Variants in LMNB1 observed in about 807,000 individuals in gnomAD.
LMNB1 encodes the protein lamin-B1.
Under a neutral mutation model 67.1 loss-of-function variants are expected in LMNB1, and 23 were observed. That is an observed-to-expected ratio of 0.34 (90% CI 0.25 to 0.49). LMNB1 has a LOEUF of 0.49. Among genes scored for constraint, LMNB1 ranks in the 20% least tolerant of loss-of-function variants. LMNB1 has a pLI of 0.99. For synonymous variants in LMNB1, 281 were observed against 282.9 expected (o/e 0.99, Z 0.07); for missense variants, 634 against 746.5 (o/e 0.85, Z 1.76).
At chr5:126,834,981 T>C (rs1752218470) in intron 10 of LMNB1, among the ~76,000 whole-genome samples, 1 of 152,180 alleles carries the variant, frequency 6.6e-6, no homozygotes, top group Admixed American at 6.5e-5. Context: ...ACTGACATAG[T>C]CTGGAATGCT....
intron 1 of LMNB1, among the ~76,000 whole-genome samples, chr5:126,784,864 G>T (rs986942927): frequency 4.2e-5 from 6 of 142,624 alleles, no homozygotes; most frequent in African/African-American, 1.6e-4. Flanking sequence ...GGGTTTCACC[G>T]TGTTAGCCGG....
chr5:126,815,616 G>A (rs1484333795), intron 5 of LMNB1, among the ~76,000 whole-genome samples: 5 of 152,056 alleles, frequency 3.3e-5, no homozygotes, highest in African/African-American at 1.2e-4. Context: ...TAGGGTTAGT[G>A]GCAAGATCTG....
intron 1 of LMNB1, among the ~76,000 whole-genome samples, chr5:126,793,115 A>C (rs1036455300): frequency 6.6e-6 from 1 of 152,192 alleles, no homozygotes; most frequent in African/African-American, 2.4e-5. Context: ...TAGCTGCCTC[A>C]TAACACCCAG....
intron 10 of LMNB1, among the ~76,000 whole-genome samples, chr5:126,834,728 T>A (rs1752211324): frequency 6.6e-6 from 1 of 152,026 alleles, no homozygotes; most frequent in South Asian, 2.1e-4. Flanking sequence ...TACAAAAAAT[T>A]AGCCGGGCGT....
At chr5:126,793,879 A>AAAAG (rs200364620) in intron 1 of LMNB1, among the ~76,000 whole-genome samples, 2,944 of 151,836 alleles carry the variant, frequency 0.019, 43 homozygotes, top group South Asian at 0.064. Context: ...TCCATCTCCA[A>AAAAG]AAAGAAAGAA....
At chr5:126,827,643 T>C (rs1416596564) in intron 9 of LMNB1, among the ~76,000 whole-genome samples, 2 of 152,156 alleles carry the variant, frequency 1.3e-5, no homozygotes, top group Non-Finnish European at 2.9e-5. Flanking sequence ...CAAGACTGTG[T>C]CTCAAATAAA....
In LMNB1 at chr5:126,793,870, C is replaced by T. The variant is rs75795980; in HGVS notation, c.360-10906C>T. On this transcript the variant is annotated intron_variant, in intron 1 of 10. Coordinates refer to ENST00000261366, the MANE Select transcript of LMNB1 (RefSeq NM_005573.4). ...TGGCCTGGGCAACAAGAGTGAAACTCCATCTCCAAAAAGAAAGAAAGAAAG... is the reference window on the plus strand; with the variant it reads ...TGGCCTGGGCAACAAGAGTGAAACTTCATCTCCAAAAAGAAAGAAAGAAAG... Among the ~76,000 whole-genome samples the T allele has an allele frequency of 8.1e-3, 1,219 of 149,974 alleles. 5 individuals are homozygous for T. Among genetic ancestry groups the T allele is most frequent in the Non-Finnish European group, 0.012 (818 of 66,908 alleles).
intron 1 of LMNB1, among the ~76,000 whole-genome samples, chr5:126,792,567 A>AT (rs752371260): frequency 0.043 from 4,257 of 99,162 alleles, 551 homozygotes; most frequent in African/African-American, 0.14. Context: ...AGCACTAGGG[A>AT]TTTTTTTTTT....
intron 8 of LMNB1, among the ~76,000 whole-genome samples, chr5:126,824,656 C>T (rs1440615227): frequency 6.6e-6 from 1 of 152,200 alleles, no homozygotes; most frequent in Non-Finnish European, 1.5e-5. Context: ...GAAACACTAA[C>T]ATTCCACATA....
chr5:126,789,033 C>T (rs919303304), intron 1 of LMNB1, among the ~76,000 whole-genome samples: 2 of 151,724 alleles, frequency 1.3e-5, no homozygotes, highest in African/African-American at 2.4e-5. Context: ...GTAGCTGGGA[C>T]TACAGGCACA....
chr5:126,795,949 T>TTTTTTTTTTTTTAG, intron 1 of LMNB1, among the ~76,000 whole-genome samples: 1 of 145,206 alleles, frequency 6.9e-6, no homozygotes, highest in Non-Finnish European at 1.5e-5. Context: ...TTTTTTTTTT[T>TTTTTTTTTTTTTAG]GAGACGGAGT....
At chr5:126,781,810 G>T (rs976243690) in intron 1 of LMNB1, among the ~76,000 whole-genome samples, 2 of 152,164 alleles carry the variant, frequency 1.3e-5, no homozygotes, top group Admixed American at 1.3e-4. Flanking sequence ...TTTAGATTAA[G>T]AAAACAGCTT....
Position 126,777,308 on chromosome 5 carries a change from C to A in LMNB1, c.-201C>A. ...GCGATCGATCGATTGATTCGTAGTT[C>A]CCCCCCGCGCGCCTTTGCCCTTTGT... On this transcript the variant is annotated 5_prime_UTR_variant, in exon 1 of 11. Transcript: ENST00000261366. The A allele has an allele frequency of 2.5e-6, 1 of 405,908 alleles. No homozygotes were observed. The highest frequency in any genetic ancestry group is 4.2e-6 in the Non-Finnish European group (1 of 239,740). The allele number at this position is 405,908 out of a possible 1,614,324, so 25.1% of individuals were successfully genotyped here. A position where few individuals can be genotyped will look rare whatever the true frequency, so the allele number is the denominator to read the frequency against.
intron 8 of LMNB1, among the ~76,000 whole-genome samples, chr5:126,825,636 C>T (rs1751976739): frequency 6.6e-6 from 1 of 152,206 alleles, no homozygotes; most frequent in Admixed American, 6.5e-5. Context: ...TTATCACTTG[C>T]TCTTTTCAAT....
chr5:126,827,761 C>G (rs1356316911), intron 9 of LMNB1, among the ~76,000 whole-genome samples: 1 of 152,164 alleles, frequency 6.6e-6, no homozygotes, highest in African/African-American at 2.4e-5. Flanking sequence ...GTAGAAGATG[C>G]AGCCAGTGAA....
intron 1 of LMNB1, among the ~76,000 whole-genome samples, chr5:126,800,982 A>ATATAATTTTTTTT: frequency 4.8e-4 from 9 of 18,638 alleles, no homozygotes; most frequent in African/African-American, 1.0e-3. Context: ...TATATATATA[A>ATATAATTTTTTTT]TTTTTTTTTT....
At position 126,798,084 on chromosome 5, in the gene LMNB1, C is replaced by T. The variant is rs1352988984; in HGVS notation, c.360-6692C>T. On this transcript the variant is annotated intron_variant, in intron 1 of 10. Coordinates refer to ENST00000261366, the MANE Select transcript of LMNB1 (RefSeq NM_005573.4). ...CCAGGAGGTAGAGGTTGCAGTGAGC[C>T]GTGATTGTGCCACTGCACTCCAGTC... 3.3e-5 allele frequency among the ~76,000 whole-genome samples: 5 copies of T among 152,088 alleles called. No individual in the cohort carries two copies. The South Asian group carries it at 6.2e-4, about 19-fold the overall frequency.
chr5:126,827,115 T>C (rs1422223243), intron 9 of LMNB1, among the ~76,000 whole-genome samples: 2 of 152,066 alleles, frequency 1.3e-5, no homozygotes, highest in Non-Finnish European at 2.9e-5. Flanking sequence ...TGAGTGGTGC[T>C]GAAAGGAGAT....
intron 1 of LMNB1, among the ~76,000 whole-genome samples, chr5:126,791,190 G>A (rs1348746276): frequency 6.6e-6 from 1 of 151,974 alleles, no homozygotes; most frequent in African/African-American, 2.4e-5. Context: ...GTTCCTTGTT[G>A]TAGATCTCTT....
Sources: allele counts gnomAD v4.1 joint callset (sites outside exome capture counted in the v4.1 genomes callset), GRCh38; gene constraint gnomAD v4.1.1; transcripts MANE v1.5; gene names NCBI Gene and HGNC (gene_info 2026-07-23, HGNC 2026-07-21).